The following TASOR2 variants were observed in gnomAD, a reference collection of about 807,000 sequenced individuals.
TASOR2 encodes transcription activation suppressor family member 2.
In TASOR2, 84 loss-of-function variants were observed where a neutral mutation model predicts 199.5. The observed-to-expected ratio is 0.42, with a 90% CI of 0.35 to 0.50. The LOEUF is 0.50. Among genes scored for constraint, TASOR2 ranks in the 20% least tolerant of loss-of-function variants. The pLI, the probability that TASOR2 is intolerant of heterozygous loss-of-function variation, is 0.02. For missense variants in TASOR2, 2,796 were observed against 2,835.9 expected (o/e 0.99, Z 0.32); for synonymous variants, 1,103 against 1,046.6 (o/e 1.05, Z -1.04).
intron 1 of TASOR2, among the ~76,000 whole-genome samples, chr10:5,693,988 A>G (rs1836816121): frequency 1.3e-5 from 2 of 152,190 alleles, no homozygotes; most frequent in Admixed American, 1.3e-4. Context: ...CTAATGCTTT[A>G]AAGAAAACAC....
At chr10:5,759,695 G>T (rs1054579999) in intron 18 of TASOR2, among the ~76,000 whole-genome samples, 4 of 152,242 alleles carry the variant, frequency 2.6e-5, no homozygotes, top group African/African-American at 9.6e-5. Flanking sequence ...CAAACAAGTA[G>T]TAAGTTATGA....
At chr10:5,763,279 T>C (rs2131673250) in exon 21 of TASOR2, 1 of 431,082 alleles carries the variant, frequency 2.3e-6, no homozygotes, top group South Asian at 5.0e-5. Flanking sequence ...TTAAACAAGA[T>C]GCCTTCTAAG....
chr10:5,688,727 T>C (rs1446618357), intron 1 of TASOR2, among the ~76,000 whole-genome samples: 2 of 152,058 alleles, frequency 1.3e-5, no homozygotes, highest in Non-Finnish European at 2.9e-5. Context: ...AGAAAATTGG[T>C]TGGGTGCGTG....
In TASOR2 at chr10:5,719,217, C is replaced by T. The variant is rs1319710602; in HGVS notation, c.-99-1327C>T. ...TTAAAATTGCCTATAGTCCCATATC[C>T]CATTTTGATATAAGTTAATAACATC... On this transcript the variant is annotated intron_variant, in intron 3 of 20. Coordinates refer to ENST00000328090, the Ensembl canonical transcript of TASOR2. This position sits in a 1 kb window ranked among gnomAD's most constrained non-coding sequence, Gnocchi z 4.1. Among the ~76,000 whole-genome samples, 2 of 152,036 alleles carry T rather than the reference C, an allele frequency of 1.3e-5. No homozygotes were observed. The highest frequency in any genetic ancestry group is 2.9e-5 in the Non-Finnish European group (2 of 68,016).
At position 5,701,093 on chromosome 10, in the gene TASOR2, C is replaced by T. The variant is rs947215630; in HGVS notation, c.-287-11730C>T. Among the ~76,000 whole-genome samples the T allele has an allele frequency of 6.6e-6, 1 of 151,868 alleles. No individual in the cohort carries two copies. Among genetic ancestry groups the T allele is most frequent in the Admixed American group, 6.6e-5 (1 of 15,240 alleles). On this transcript the variant is annotated intron_variant, in intron 1 of 20. Transcript: ENST00000328090. This position sits in a 1 kb window ranked among gnomAD's most constrained non-coding sequence, Gnocchi z 4.9. ...TCCTGGAGTGTTTTCCCAGTGTTTT[C>T]TTCTGGTAGTTTCATAGTTTTGGGT... is the stretch of plus-strand genomic sequence containing the variant.
At chr10:5,712,418 CAG>C in intron 1 of TASOR2, 1 of 1,231,606 alleles carries the variant, frequency 8.1e-7, no homozygotes, top group Non-Finnish European at 1.0e-6. Flanking sequence ...TCCTTGAGTT[CAG>C]ACTCTCTCTT....
rs1838664499 is a variant in TASOR2 at position 5,706,756 on chromosome 10, A to T, written c.-287-6067A>T. On this transcript the variant is annotated intron_variant, in intron 1 of 20. Transcript: ENST00000328090. The surrounding 1 kb of genome is among the most constrained non-coding windows in gnomAD (Gnocchi z 4.8). ...GGTGGCTCATGCCTGTAATTCCAGC[A>T]CTTTGGGAGGCCGAGGTATGCAGAT... Among the ~76,000 whole-genome samples the T allele has an allele frequency of 6.6e-6, 1 of 152,184 alleles. No homozygotes were observed. The highest frequency in any genetic ancestry group is 2.4e-5 in the African/African-American group (1 of 41,450).
chr10:5,747,770 A>G, exon 15 of TASOR2: 1 of 1,614,148 alleles, frequency 6.2e-7, no homozygotes, highest in African/African-American at 1.3e-5. Context: ...GGCATAACAG[A>G]AAAAGAAAAT....
At chr10:5,756,835 C>CT (rs1191616995) in intron 16 of TASOR2, 97 bp downstream of exon 17, 4 of 1,320,508 alleles carry the variant, frequency 3.0e-6, no homozygotes, top group Non-Finnish European at 4.1e-6. Context: ...AGAAGAGAAG[C>CT]TAACAGACAT....
rs1418849442 is a variant in TASOR2, at chr10:5,742,321, C to T, written c.2552C>T (p.Ser851Phe). Residue 851 changes from serine to phenylalanine, a missense_variant, in exon 14 of 21, where the codon TCT becomes TTT. This residue lies in a region of TASOR2 where 1,941 missense variants were observed against 1,924.9 expected (regional missense o/e 1.01). Coordinates refer to ENST00000328090, the Ensembl canonical transcript of TASOR2. This position sits in a 1 kb window ranked among gnomAD's most constrained non-coding sequence, Gnocchi z 4.2. ...GGTTTGGAAAAATGTTCTGCAGACTCTCTGTTGGAGACTAACGAAATTTCC... is the reference window on the plus strand; with the variant it reads ...GGTTTGGAAAAATGTTCTGCAGACTTTCTGTTGGAGACTAACGAAATTTCC... 3 of 1,614,068 alleles carry T rather than the reference C, an allele frequency of 1.9e-6. No homozygotes were observed. The African/African-American group carries it at 4.0e-5, about 22-fold the overall frequency.
intron 16 of TASOR2, 73 bp from the exon 18 acceptor site, chr10:5,757,447 A>G: frequency 7.0e-7 from 1 of 1,434,460 alleles, no homozygotes; most frequent in Non-Finnish European, 9.4e-7. Flanking sequence ...TCTTGGATAG[A>G]AAAGCAAGGG....
chr10:5,703,503 AT>A (rs371366460), intron 1 of TASOR2, among the ~76,000 whole-genome samples: 1,446 of 110,176 alleles, frequency 0.013, 13 homozygotes, highest in African/African-American at 0.048. Context: ...GGTTTTTCTG[AT>A]TTTTTTTTTT....
At chr10:5,725,891 C>G (rs951664421) in intron 8 of TASOR2, among the ~76,000 whole-genome samples, 2 of 152,118 alleles carry the variant, frequency 1.3e-5, no homozygotes, top group African/African-American at 4.8e-5. Context: ...TAGGGGCTCT[C>G]ATAGAATCTT....
exon 15 of TASOR2, chr10:5,747,281 C>T: frequency 2.5e-6 from 4 of 1,614,190 alleles, no homozygotes; most frequent in Non-Finnish European, 3.4e-6. Flanking sequence ...TTAGCTCTAA[C>T]AATATCACCA....
At chr10:5,726,787 C>A in intron 8 of TASOR2, 98 bp from the exon 10 acceptor site, 1 of 1,071,916 alleles carries the variant, frequency 9.3e-7, no homozygotes, top group Non-Finnish European at 1.4e-6. Flanking sequence ...AGAATTTTTT[C>A]TTTTCTTGAG....
At chr10:5,727,580 G>A (rs1279363164) in intron 10 of TASOR2, among the ~76,000 whole-genome samples, 3 of 152,058 alleles carry the variant, frequency 2.0e-5, no homozygotes, top group South Asian at 4.2e-4. Context: ...TACTCATACA[G>A]TGCATAAACA....
chr10:5,759,026 C>T (rs760418085), intron 18 of TASOR2, 34 bp downstream of exon 19: 2 of 1,490,214 alleles, frequency 1.3e-6, no homozygotes, highest in East Asian at 4.5e-5. Flanking sequence ...TTCCTCCTGC[C>T]CTGCTGGGGT....
intron 14 of TASOR2, among the ~76,000 whole-genome samples, chr10:5,744,359 A>C (rs374709807): frequency 6.6e-6 from 1 of 152,120 alleles, no homozygotes; most frequent in Non-Finnish European, 1.5e-5. Flanking sequence ...CTGGAGTACA[A>C]TGGCACGATC....
Position 5,750,109 on chromosome 10 carries a change from C to A in TASOR2, c.6606+82C>A. On this transcript the variant is annotated intron_variant, in intron 15 of 20. Coordinates refer to ENST00000328090, the Ensembl canonical transcript of TASOR2. The surrounding 1 kb of genome is among the most constrained non-coding windows in gnomAD (Gnocchi z 5.4). ...ATAATAAATTTAGCATATTAGCCAT[C>A]AAAAAGAAATCATGGTATGACATAG... 1 of 1,406,190 alleles carries A rather than the reference C, an allele frequency of 7.1e-7. No homozygotes were observed. Among genetic ancestry groups the A allele is most frequent in the Admixed American group, 2.6e-5 (1 of 38,326 alleles). The allele number at this position is 1,406,190 out of a possible 1,614,324, so 87.1% of individuals were successfully genotyped here.
Sources: allele counts gnomAD v4.1 joint callset (sites outside exome capture counted in the v4.1 genomes callset), GRCh38; gene constraint gnomAD v4.1.1; regional missense constraint gnomAD v4.1.1; non-coding constraint Gnocchi (gnomAD v3.1); transcripts MANE v1.5; gene names NCBI Gene and HGNC (gene_info 2026-07-23, HGNC 2026-07-21).